Variants in TTC28 observed in about 807,000 individuals in gnomAD.
TTC28 encodes the protein tetratricopeptide repeat protein 28.
TTC28 carries 61 observed loss-of-function variants against 198.0 expected under a neutral mutation model. The ratio of observed to expected loss-of-function variants is 0.31; its 90% confidence interval spans 0.25 to 0.38. The LOEUF (loss-of-function observed/expected upper bound fraction) is 0.38, where lower values mean the gene tolerates loss of function less well. Among genes scored for constraint, TTC28 ranks in the 10% least tolerant of loss-of-function variants. The pLI, the probability that TTC28 is intolerant of heterozygous loss-of-function variation, is 1.00. For synonymous variants in TTC28, 1,171 were observed against 1,297.8 expected, an observed-to-expected ratio of 0.90 and a Z score of 2.10; for missense variants, 2,678 against 3,164.0, an observed-to-expected ratio of 0.85 and a Z score of 3.69.
chr22:28,520,312 A>C lies in TTC28; in HGVS notation c.381+109240T>G, dbSNP rs542800488. Among the ~76,000 whole-genome samples, 3 of 152,362 alleles carry C rather than the reference A, an allele frequency of 2.0e-5. No homozygotes were observed. In the South Asian group the frequency reaches 6.2e-4, roughly 32 times the overall value. Reference sequence around the variant, plus strand: ...GTCTGTAAAAGCCTTTCATAAACTAATGTCTCATGTACACATCTTATGAAT... The same window carrying C: ...GTCTGTAAAAGCCTTTCATAAACTACTGTCTCATGTACACATCTTATGAAT... On this transcript the variant is annotated intron_variant, in intron 2 of 22. Coordinates refer to ENST00000397906, the MANE Select transcript of TTC28 (RefSeq NM_001145418.2).
At chr22:28,340,018 C>T (rs766877098) in intron 2 of TTC28, among the ~76,000 whole-genome samples, 8 of 152,150 alleles carry the variant, frequency 5.3e-5, no homozygotes, top group Non-Finnish European at 7.3e-5. Flanking sequence ...TGTTCCTATT[C>T]GGCCATGTTG....
chr22:28,591,034 CACACACATATATATATATATATAT>C (rs1430514554), intron 2 of TTC28, among the ~76,000 whole-genome samples: 53 of 48,062 alleles, frequency 1.1e-3, no homozygotes, highest in African/African-American at 3.1e-3. Context: ...CACACACACA[CACACACATATATATATATATATAT>C]ATATATATAT....
At chr22:28,081,627 G>C in intron 12 of TTC28, among the ~76,000 whole-genome samples, 1 of 151,994 alleles carries the variant, frequency 6.6e-6, no homozygotes, top group African/African-American at 2.4e-5. Flanking sequence ...TGAGTAGCTG[G>C]GATTACAGGC....
intron 2 of TTC28, among the ~76,000 whole-genome samples, chr22:28,319,786 GA>G (rs1485132322): frequency 6.6e-6 from 1 of 152,202 alleles, no homozygotes; most frequent in Non-Finnish European, 1.5e-5. Flanking sequence ...GAAGGGAAAA[GA>G]AAGAGTTGAT....
At chr22:28,020,862 A>G (rs944588113) in intron 13 of TTC28, among the ~76,000 whole-genome samples, 1 of 151,936 alleles carries the variant, frequency 6.6e-6, no homozygotes, top group African/African-American at 2.4e-5. Flanking sequence ...AAATGCACGC[A>G]CCCACTCTGC....
At chr22:28,593,863 C>A (rs2146099241) in intron 2 of TTC28, among the ~76,000 whole-genome samples, 1 of 152,084 alleles carries the variant, frequency 6.6e-6, no homozygotes, top group Middle Eastern at 3.4e-3. Context: ...ATCTTAAATC[C>A]CTGTGCAATA....
At chr22:28,621,742 TAAA>T (rs771463983) in intron 2 of TTC28, among the ~76,000 whole-genome samples, 1 of 76,160 alleles carries the variant, frequency 1.3e-5, no homozygotes. Flanking sequence ...GACTGTCTCT[TAAA>T]AAAAAAAAAA....
chr22:28,265,551 T>C (rs1413353447), intron 5 of TTC28, among the ~76,000 whole-genome samples: 3 of 152,176 alleles, frequency 2.0e-5, no homozygotes, highest in African/African-American at 2.4e-5. Flanking sequence ...AGAAGCTTAG[T>C]AAATGGGTGC....
chr22:28,265,292 C>T (rs1447642074), intron 5 of TTC28, among the ~76,000 whole-genome samples: 2 of 152,182 alleles, frequency 1.3e-5, no homozygotes, highest in Non-Finnish European at 2.9e-5. Flanking sequence ...CCACGATTTT[C>T]TGCCTATGTG....
chr22:28,411,653 T>G (rs999426282), intron 2 of TTC28, among the ~76,000 whole-genome samples: 2 of 152,218 alleles, frequency 1.3e-5, no homozygotes, highest in African/African-American at 4.8e-5. Flanking sequence ...CAATGTCAGT[T>G]TAATAGCTTT....
chr22:27,983,855 A>C lies in TTC28; in HGVS notation c.5816-4T>G, dbSNP rs751410213. On this transcript the variant is annotated splice_polypyrimidine_tract_variant and splice_region_variant and intron_variant, in intron 22 of 22. Coordinates refer to ENST00000397906, the MANE Select transcript of TTC28 (RefSeq NM_001145418.2). ...CGCTTGGGTAGCTCAGTAGAATCTA[A>C]GCACAAAACACAAGGGCCCCAAGGA... 2 of 1,543,694 alleles carry C rather than the reference A, an allele frequency of 1.3e-6. No homozygotes were observed. Among genetic ancestry groups the C allele is most frequent in the South Asian group, 2.4e-5 (2 of 82,650 alleles).
At chr22:28,497,881 T>G (rs976120286) in intron 2 of TTC28, among the ~76,000 whole-genome samples, 2 of 152,152 alleles carry the variant, frequency 1.3e-5, no homozygotes, top group African/African-American at 2.4e-5. Flanking sequence ...GTTGAATATT[T>G]TATTTTAGAC....
intron 2 of TTC28, among the ~76,000 whole-genome samples, chr22:28,388,748 C>T (rs1157333289): frequency 2.6e-5 from 4 of 152,182 alleles, no homozygotes; most frequent in East Asian, 1.9e-4. Context: ...TGGGCTGAGA[C>T]AATGGGGTTT....
At chr22:28,299,743 A>G (rs117416310) in intron 3 of TTC28, among the ~76,000 whole-genome samples, 1,970 of 152,346 alleles carry the variant, frequency 0.013, 32 homozygotes, top group East Asian at 0.061. Flanking sequence ...TCTCTTAGAA[A>G]TGAAGAATCT....
At chr22:28,303,720 A>G (rs578071990) in intron 3 of TTC28, 1 of 152,760 alleles carries the variant, frequency 6.5e-6, no homozygotes, top group Admixed American at 6.5e-5. Flanking sequence ...CACCAGGACC[A>G]GTTTTCTCTG....
intron 5 of TTC28, among the ~76,000 whole-genome samples, chr22:28,278,451 T>G (rs1018147193): frequency 6.6e-6 from 1 of 152,186 alleles, no homozygotes; most frequent in Non-Finnish European, 1.5e-5. Flanking sequence ...CCTAAAATTA[T>G]GACAAAAGAA....
chr22:28,184,993 G>A (rs1270441569), intron 5 of TTC28, among the ~76,000 whole-genome samples: 1 of 152,154 alleles, frequency 6.6e-6, no homozygotes, highest in Non-Finnish European at 1.5e-5. Flanking sequence ...CTTAGCAGGT[G>A]CTCAGCAAAT....
intron 5 of TTC28, among the ~76,000 whole-genome samples, chr22:28,176,224 T>A (rs1020506847): frequency 6.6e-6 from 1 of 152,160 alleles, no homozygotes; most frequent in Non-Finnish European, 1.5e-5. Context: ...TGAAATATGA[T>A]TCAATAATAA....
chr22:28,239,406 T>C (rs1929495978), intron 5 of TTC28, among the ~76,000 whole-genome samples: 1 of 152,036 alleles, frequency 6.6e-6, no homozygotes, highest in African/African-American at 2.4e-5. Context: ...CTGGACAAAG[T>C]ACAAATCAAT....
Sources: gnomAD v4.1 joint callset for allele counts (sites outside exome capture counted in the v4.1 genomes callset) on GRCh38, gnomAD v4.1.1 for gene constraint, MANE v1.5 for transcripts, NCBI Gene and HGNC (gene_info 2026-07-23, HGNC 2026-07-21) for gene names.